Variants in PCDHA12 observed in about 807,000 individuals in gnomAD.
The protein encoded by PCDHA12 is protocadherin alpha 12, also known as protocadherin alpha-12.
A neutral mutation model predicts 60.0 loss-of-function variants in PCDHA12; 44 were observed. That is an observed-to-expected ratio of 0.73 (90% confidence interval 0.58 to 0.94). The LOEUF (loss-of-function observed/expected upper bound fraction) is 0.94, where lower values mean the gene tolerates loss of function less well. PCDHA12 is among the 40% of genes least tolerant of loss of function. The pLI, the probability that PCDHA12 is intolerant of heterozygous loss-of-function variation, is 0.00. For synonymous variants in PCDHA12, 569 were observed against 553.0 expected (o/e 1.03, Z -0.40); for missense variants, 1,276 against 1,239.7 (o/e 1.03, Z -0.44).
At chr5:140,902,668 G>C (rs1385644848) in intron 1 of PCDHA12, among the ~76,000 whole-genome samples, 3 of 152,126 alleles carry the variant, frequency 2.0e-5, no homozygotes, top group African/African-American at 7.2e-5. Context: ...CACCCAAGCA[G>C]TGTACACCGT....
chr5:140,895,124 T>A (rs2064859568), intron 1 of PCDHA12, among the ~76,000 whole-genome samples: 1 of 152,196 alleles, frequency 6.6e-6, no homozygotes, highest in Non-Finnish European at 1.5e-5. Flanking sequence ...ATTTGTTAGT[T>A]GACAAGTTCA....
chr5:140,949,809 G>A (rs782774481), intron 1 of PCDHA12, among the ~76,000 whole-genome samples: 1 of 151,712 alleles, frequency 6.6e-6, no homozygotes. Flanking sequence ...TACATTATTT[G>A]CTTTCTATTT....
intron 1 of PCDHA12, among the ~76,000 whole-genome samples, chr5:140,916,747 G>T (rs1445361224): frequency 2.6e-5 from 4 of 152,220 alleles, no homozygotes; most frequent in African/African-American, 9.6e-5. Context: ...TTCACTGCCT[G>T]GGATTAGGGG....
intron 3 of PCDHA12, among the ~76,000 whole-genome samples, chr5:140,994,021 G>A (rs1160447092): frequency 6.6e-6 from 1 of 152,140 alleles, no homozygotes; most frequent in Non-Finnish European, 1.5e-5. Context: ...AGGTGATGCA[G>A]ATATAATATT....
chr5:140,954,909 T>C (rs1309101151), intron 1 of PCDHA12, among the ~76,000 whole-genome samples: 3 of 152,164 alleles, frequency 2.0e-5, no homozygotes, highest in Admixed American at 6.5e-5. Flanking sequence ...TTTCATACTT[T>C]TATGAATTAC....
At chr5:140,883,519 CG>C in intron 1 of PCDHA12, 1 of 1,614,190 alleles carries the variant, frequency 6.2e-7, no homozygotes, top group African/African-American at 1.3e-5. Flanking sequence ...ACCGCGAGAG[CG>C]TATCAGCCTA....
chr5:140,925,166 A>G (rs2082364629), intron 1 of PCDHA12, among the ~76,000 whole-genome samples: 1 of 152,126 alleles, frequency 6.6e-6, no homozygotes, highest in Admixed American at 6.5e-5. Context: ...GAATTGTGTA[A>G]TTGACCCCAA....
At chr5:140,919,417 T>C (rs782439186) in intron 1 of PCDHA12, among the ~76,000 whole-genome samples, 16 of 152,226 alleles carry the variant, frequency 1.1e-4, no homozygotes, top group Admixed American at 5.2e-4. Context: ...AGACTGACAA[T>C]TCTGCCTTTT....
At chr5:141,006,050 G>A (rs1554260524) in intron 3 of PCDHA12, among the ~76,000 whole-genome samples, 1 of 151,092 alleles carries the variant, frequency 6.6e-6, no homozygotes, top group African/African-American at 2.4e-5. Flanking sequence ...GTAGATGAGA[G>A]TGGAGAAGAA....
rs782301019 is a variant in PCDHA12 at position 140,876,753 on chromosome 5, G to T, written c.1281G>T (p.Ala427=). The change falls in exon 1 of 4, where the codon GCG becomes GCT. Residue 427 remains alanine, a synonymous_variant. Coordinates refer to ENST00000398631, the MANE Select transcript of PCDHA12 (RefSeq NM_018903.4). ...CGGCCTATGAGCTGGTGGTGACTGC[G>T]CGGGATGGGGGCTCGCCTTCGCTGT... is the stretch of plus-strand genomic sequence containing the variant. ...SVSAYELVVT[A]RDGGSPSLWA... 1.1e-5 allele frequency: 17 copies of T among 1,614,128 alleles called. No homozygotes were observed. In the Admixed American group the frequency reaches 2.8e-4, roughly 27 times the overall value.
Position 140,877,403 on chromosome 5 carries a change from G to A in PCDHA12, c.1931G>A (p.Arg644His), listed in dbSNP as rs199806507. Reference sequence around the variant, plus strand: ...ATCCTGGATGAGGCGGACGCTCCGCGCCACCGCCTGCTGGTGCTGGTGAAG... The same window carrying A: ...ATCCTGGATGAGGCGGACGCTCCGCACCACCGCCTGCTGGTGCTGGTGAAG... ...TRILDEADAP[R>H]HRLLVLVKDH... The change falls in exon 1 of 4, where the codon CGC becomes CAC. Residue 644 changes from arginine (R) to histidine (H), a missense_variant. Arg to His is a conservative substitution (Grantham distance 29). Transcript: ENST00000398631. The A allele has an allele frequency of 1.5e-4, 243 of 1,613,770 alleles. No homozygotes were observed. The highest frequency in any genetic ancestry group is 1.9e-4 in the Non-Finnish European group (229 of 1,179,886).
intron 1 of PCDHA12, chr5:140,967,726 TG>T: frequency 6.2e-7 from 1 of 1,613,974 alleles, no homozygotes; most frequent in Non-Finnish European, 8.5e-7. Flanking sequence ...TGCGAGTAAT[TG>T]GGGGGCTGGA....
At chr5:140,907,391 A>G (rs1455875344) in intron 1 of PCDHA12, among the ~76,000 whole-genome samples, 2 of 152,214 alleles carry the variant, frequency 1.3e-5, no homozygotes, top group African/African-American at 2.4e-5. Context: ...GGTCAAAGGC[A>G]ATGCTGTGTG....
chr5:140,904,139 A>C (rs557435150), intron 1 of PCDHA12, among the ~76,000 whole-genome samples: 10 of 152,286 alleles, frequency 6.6e-5, no homozygotes, highest in African/African-American at 2.2e-4. Flanking sequence ...TCACCCGAGC[A>C]GTATACATTG....
intron 1 of PCDHA12, among the ~76,000 whole-genome samples, chr5:140,906,524 G>A (rs1401305370): frequency 2.0e-5 from 3 of 152,156 alleles, no homozygotes; most frequent in Non-Finnish European, 2.9e-5. Context: ...AAATACTCAC[G>A]ACAATTAAAA....
chr5:140,882,998 C>T, intron 1 of PCDHA12: 1 of 1,614,066 alleles, frequency 6.2e-7, no homozygotes. Context: ...GGAATTTTAC[C>T]AATCCGTTTA....
At chr5:140,884,054 G>A (rs1313975286) in intron 1 of PCDHA12, 1 of 1,613,390 alleles carries the variant, frequency 6.2e-7, no homozygotes, top group Non-Finnish European at 8.5e-7. Flanking sequence ...GAAGGTGCGC[G>A]CGGTGGACGC....
Position 140,877,853 on chromosome 5 carries a change from AT to A in PCDHA12, c.2367+16del. The A allele has an allele frequency of 1.3e-6, 2 of 1,535,524 alleles. No homozygotes were observed. The highest frequency in any genetic ancestry group is 1.7e-6 in the Non-Finnish European group (2 of 1,147,196). ...CCTCCCAGTGAAGTAAGTTATTAAT[AT>A]TATTTAGATATATTTGTTTCCTTGA... On this transcript the variant is annotated intron_variant, in intron 1 of 3. Coordinates refer to ENST00000398631, the MANE Select transcript of PCDHA12 (RefSeq NM_018903.4).
intron 1 of PCDHA12, among the ~76,000 whole-genome samples, chr5:140,919,172 A>G (rs144962710): frequency 6.6e-6 from 1 of 152,282 alleles, no homozygotes; most frequent in African/African-American, 2.4e-5. Flanking sequence ...TTTAGTTGCT[A>G]TATCTTCCTG....
Sources: gnomAD v4.1 joint callset for allele counts (sites outside exome capture counted in the v4.1 genomes callset) on GRCh38, gnomAD v4.1.1 for gene constraint, MANE v1.5 for transcripts, NCBI Gene and HGNC (gene_info 2026-07-23, HGNC 2026-07-21) for gene names.